The following GALNT11 variants were observed in gnomAD, a reference collection of about 807,000 sequenced individuals.
GALNT11 encodes the protein polypeptide N-acetylgalactosaminyltransferase 11.
GALNT11 carries 47 observed loss-of-function variants against 72.7 expected under a neutral mutation model. The ratio of observed to expected loss-of-function variants is 0.65; its 90% CI spans 0.51 to 0.82. The LOEUF (loss-of-function observed/expected upper bound fraction) is 0.82, where lower values mean the gene tolerates loss of function less well. Ranked by LOEUF, GALNT11 falls within the 40% of genes least tolerant of loss-of-function variation. GALNT11 has a pLI of 0.00. For synonymous variants in GALNT11, 270 were observed against 286.6 expected, an observed-to-expected ratio of 0.94 and a Z score of 0.58; for missense variants, 677 against 778.4, an observed-to-expected ratio of 0.87 and a Z score of 1.55.
At chr7:152,032,615 G>A (rs901941758) in intron 1 of GALNT11, among the ~76,000 whole-genome samples, 2 of 152,174 alleles carry the variant, frequency 1.3e-5, no homozygotes, top group African/African-American at 4.8e-5. Context: ...ATGAGCTTCA[G>A]GCCTTAAGGG....
chr7:152,122,160 T>TA lies in GALNT11; in HGVS notation c.*497dup, dbSNP rs58138365. 0.063 allele frequency: 9,024 copies of TA among 143,180 alleles called. 412 individuals carry two copies. The highest frequency in any genetic ancestry group is 0.21 in the East Asian group (1,077 of 5,018). 8.9% of individuals were successfully genotyped at this position (143,180 alleles called of 1,614,324 possible). The stretch of plus-strand genomic sequence containing the variant: ...TTAGACTTCATAGGAGATAGTGCTT[T>TA]AAAAAAAAAAAAAACTTCTATTATT... On this transcript the variant is annotated 3_prime_UTR_variant, in exon 12 of 12. Transcript: ENST00000430044.
intron 1 of GALNT11, among the ~76,000 whole-genome samples, chr7:152,058,825 C>T (rs1284679442): frequency 6.6e-6 from 1 of 152,158 alleles, no homozygotes; most frequent in Non-Finnish European, 1.5e-5. Flanking sequence ...GTTATCGTTT[C>T]AACAGTGTTC....
At chr7:152,083,977 T>A (rs900710093) in intron 1 of GALNT11, among the ~76,000 whole-genome samples, 1 of 152,158 alleles carries the variant, frequency 6.6e-6, no homozygotes, top group Non-Finnish European at 1.5e-5. Context: ...AGACTTTTTG[T>A]GGGGGAGGTT....
At chr7:152,038,285 C>T (rs1407706484) in intron 1 of GALNT11, among the ~76,000 whole-genome samples, 1 of 152,148 alleles carries the variant, frequency 6.6e-6, no homozygotes, top group Non-Finnish European at 1.5e-5. Context: ...TATTTATTGA[C>T]AGCAAGCCAG....
In GALNT11 at chr7:152,122,041, A is replaced by C. The variant is rs1319146068; in HGVS notation, c.*364A>C. 13 of 170,972 alleles carry C rather than the reference A, an allele frequency of 7.6e-5. No individual in the cohort carries two copies. The highest frequency in any genetic ancestry group is 6.2e-5 in the Non-Finnish European group (5 of 80,198). The allele number at this position is 170,972 out of a possible 1,614,324, so 10.6% of individuals were successfully genotyped here. The stretch of plus-strand genomic sequence containing the variant: ...AGAAGGATAAAACCCAGGAAAATGG[A>C]TATTTCTATTCAGATTTATTTATGC... On this transcript the variant is annotated 3_prime_UTR_variant, in exon 12 of 12. Coordinates refer to ENST00000430044, the MANE Select transcript of GALNT11 (RefSeq NM_022087.4).
chr7:152,100,070 C>T (rs2086736874), intron 2 of GALNT11, among the ~76,000 whole-genome samples: 2 of 150,636 alleles, frequency 1.3e-5, no homozygotes, highest in South Asian at 2.1e-4. Flanking sequence ...TGAGCCATTG[C>T]GTCTGACCCG....
At chr7:152,075,796 CAAAAAAA>C (rs775384082) in intron 1 of GALNT11, among the ~76,000 whole-genome samples, 60 of 109,412 alleles carry the variant, frequency 5.5e-4, no homozygotes, top group African/African-American at 1.8e-3. Context: ...AACTCTGTCT[CAAAAAAA>C]AAAAAAAAGA....
At position 152,052,438 on chromosome 7, in the gene GALNT11, T is replaced by C. The variant is rs936197404; in HGVS notation, c.-39+26554T>C. 3.2e-4 allele frequency among the ~76,000 whole-genome samples: 48 copies of C among 152,130 alleles called. 2 individuals carry two copies. The highest frequency in any genetic ancestry group is 1.5e-4 in the Non-Finnish European group (10 of 68,032). On this transcript the variant is annotated intron_variant, in intron 1 of 11. Coordinates refer to ENST00000430044, the MANE Select transcript of GALNT11 (RefSeq NM_022087.4). ...TACAGTATACCTATATATAGTGGAG[T>C]GGCACTGCTGGGTTATATGGCAGTT...
intron 3 of GALNT11, among the ~76,000 whole-genome samples, chr7:152,101,676 C>T (rs1486842032): frequency 2.0e-5 from 3 of 151,106 alleles, no homozygotes; most frequent in Non-Finnish European, 4.4e-5. Flanking sequence ...CTCTGTTGCC[C>T]AGGCTGGAGT....
intron 1 of GALNT11, among the ~76,000 whole-genome samples, chr7:152,091,721 A>G (rs921089660): frequency 6.6e-6 from 1 of 152,160 alleles, no homozygotes; most frequent in Non-Finnish European, 1.5e-5. Flanking sequence ...TCATCACATC[A>G]GTCCTGGATG....
intron 9 of GALNT11, chr7:152,118,389 T>A (rs1393127586): frequency 6.3e-6 from 2 of 316,362 alleles, no homozygotes; most frequent in Non-Finnish European, 1.2e-5. Context: ...ACATTTTAAT[T>A]TCTTTCATCT....
intron 9 of GALNT11, 58 bp downstream of exon 9, chr7:152,117,433 G>C: frequency 6.5e-7 from 1 of 1,541,294 alleles, no homozygotes; most frequent in Non-Finnish European, 9.0e-7. Flanking sequence ...GAAAAGTTTT[G>C]AGGTGTCCAT....
intron 1 of GALNT11, among the ~76,000 whole-genome samples, chr7:152,035,965 C>T (rs1487374791): frequency 6.6e-6 from 1 of 152,210 alleles, no homozygotes; most frequent in Non-Finnish European, 1.5e-5. Context: ...TTCTGCCCAG[C>T]TCTCTTCTTG....
chr7:152,107,812 T>A, intron 5 of GALNT11: 1 of 437,276 alleles, frequency 2.3e-6, no homozygotes, highest in Admixed American at 3.6e-5. Context: ...GTATGATTTG[T>A]ATGGGTCCCT....
chr7:152,092,122 C>G (rs2086080769), intron 1 of GALNT11, among the ~76,000 whole-genome samples: 2 of 152,148 alleles, frequency 1.3e-5, no homozygotes, highest in African/African-American at 4.8e-5. Context: ...TCTTTAACTT[C>G]AGGATCTCAT....
chr7:152,094,144 T>C lies in GALNT11; in HGVS notation c.-38-46T>C, dbSNP rs1587311002. On this transcript the variant is annotated intron_variant, in intron 1 of 11. Coordinates refer to ENST00000430044, the MANE Select transcript of GALNT11 (RefSeq NM_022087.4). The surrounding 1 kb of genome is among the most constrained non-coding windows in gnomAD (Gnocchi z 4.3). ...CAGTGATTCTGTATTTGGTGGATGG[T>C]TTAAAGTATACTGAAGTGTCTAACA... 6.9e-7 allele frequency: 1 copy of C among 1,455,638 alleles called. No individual in the cohort carries two copies. The highest frequency in any genetic ancestry group is 2.3e-5 in the East Asian group (1 of 43,732). 90.2% of individuals were successfully genotyped at this position (1,455,638 alleles called of 1,614,324 possible). A position where few individuals can be genotyped will look rare whatever the true frequency, so the allele number is the denominator to read the frequency against.
intron 1 of GALNT11, among the ~76,000 whole-genome samples, chr7:152,071,421 G>A (rs556887411): frequency 2.6e-5 from 4 of 152,278 alleles, no homozygotes; most frequent in South Asian, 2.1e-4. Context: ...TGTTCCACCC[G>A]GCTCACCGGC....
chr7:152,104,061 A>G (rs2087259954), intron 4 of GALNT11: 1 of 152,056 alleles, frequency 6.6e-6, no homozygotes, highest in Non-Finnish European at 1.5e-5. Flanking sequence ...TTCAACATAG[A>G]CTCTTGCTAA....
chr7:152,114,325 T>G (rs996914270), intron 8 of GALNT11, among the ~76,000 whole-genome samples: 1 of 152,184 alleles, frequency 6.6e-6, no homozygotes, highest in Non-Finnish European at 1.5e-5. Flanking sequence ...AAGCAACCAT[T>G]AATCTACTCC....
Sources: allele counts gnomAD v4.1 joint callset (sites outside exome capture counted in the v4.1 genomes callset), GRCh38; gene constraint gnomAD v4.1.1; non-coding constraint Gnocchi (gnomAD v3.1); transcripts MANE v1.5; gene names NCBI Gene and HGNC (gene_info 2026-07-23, HGNC 2026-07-21).